The following ANGPT1 variants were observed in gnomAD, a reference collection of about 807,000 sequenced individuals.
ANGPT1 encodes angiopoietin-1.
In ANGPT1, 17 loss-of-function variants were observed where a neutral mutation model predicts 62.2. The ratio of observed to expected loss-of-function variants is 0.27; its 90% CI spans 0.19 to 0.41. The LOEUF (loss-of-function observed/expected upper bound fraction) is 0.41. Ranked by LOEUF, ANGPT1 falls within the 10% of genes least tolerant of loss-of-function variation. The probability of loss-of-function intolerance (pLI) is 1.00; values close to 1 mark genes in which losing one functional copy is unlikely to be tolerated. For synonymous variants in ANGPT1, 199 were observed against 198.9 expected (o/e 1.00, Z 0.00); for missense variants, 478 against 594.9 (o/e 0.80, Z 2.04).
At chr8:107,381,040 T>C (rs1032647078) in intron 1 of ANGPT1, among the ~76,000 whole-genome samples, 1 of 152,224 alleles carries the variant, frequency 6.6e-6, no homozygotes, top group African/African-American at 2.4e-5. Context: ...GTAGAAAAGT[T>C]CAATTCTTCC....
chr8:107,433,160 T>C (rs62513237), intron 1 of ANGPT1, among the ~76,000 whole-genome samples: 10,089 of 152,186 alleles, frequency 0.066, 443 homozygotes, highest in African/African-American at 0.11. Flanking sequence ...ATAGGGGAAA[T>C]TGGGCTGGTT....
intron 1 of ANGPT1, among the ~76,000 whole-genome samples, chr8:107,459,895 C>T (rs1350103680): frequency 6.6e-6 from 1 of 152,092 alleles, no homozygotes; most frequent in East Asian, 1.9e-4. Flanking sequence ...CTGCCCTTTT[C>T]TTTAGAAAGA....
At chr8:107,273,845 G>A (rs1274004339) in intron 7 of ANGPT1, among the ~76,000 whole-genome samples, 1 of 149,722 alleles carries the variant, frequency 6.7e-6, no homozygotes, top group Non-Finnish European at 1.5e-5. Flanking sequence ...GACTGTGAGT[G>A]TAAAGGTGAA....
intron 1 of ANGPT1, among the ~76,000 whole-genome samples, chr8:107,368,311 G>T (rs942008777): frequency 6.6e-6 from 1 of 151,954 alleles, no homozygotes; most frequent in Non-Finnish European, 1.5e-5. Flanking sequence ...AGTCTCAAAA[G>T]TGGGCTTAAA....
intron 1 of ANGPT1, among the ~76,000 whole-genome samples, chr8:107,428,379 C>T (rs1811090470): frequency 1.3e-5 from 2 of 152,116 alleles, no homozygotes; most frequent in Admixed American, 1.3e-4. Flanking sequence ...ACAAGACTGA[C>T]CCCCATGAGA....
intron 5 of ANGPT1, among the ~76,000 whole-genome samples, chr8:107,302,985 G>A (rs9643031): frequency 4.0e-5 from 6 of 151,860 alleles, no homozygotes; most frequent in Admixed American, 1.3e-4. Context: ...ACATGTATGA[G>A]CAAGGGGACA....
At chr8:107,440,005 C>A (rs1811432685) in intron 1 of ANGPT1, among the ~76,000 whole-genome samples, 1 of 152,134 alleles carries the variant, frequency 6.6e-6, no homozygotes, top group Non-Finnish European at 1.5e-5. Flanking sequence ...GCAGGGAAAG[C>A]AGAATAGATG....
chr8:107,472,262 T>C lies in ANGPT1; in HGVS notation c.297+25000A>G, dbSNP rs193096707. On this transcript the variant is annotated intron_variant, in intron 1 of 8. Transcript: ENST00000517746. Reference sequence around the variant, plus strand: ...ACTTTGATTACTTGGCTTGAGGTCATGTTTGTCAAGTTTCTCCAGTGCAAA... The same window carrying C: ...ACTTTGATTACTTGGCTTGAGGTCACGTTTGTCAAGTTTCTCCAGTGCAAA... Among the ~76,000 whole-genome samples the C allele has an allele frequency of 1.1e-3, 170 of 152,156 alleles. 1 individual carries two copies. The highest frequency in any genetic ancestry group is 3.6e-3 in the African/African-American group (148 of 41,558).
chr8:107,497,637 T>G lies in ANGPT1; in HGVS notation c.-79A>C, dbSNP rs1002050324. 1 of 1,433,962 alleles carries G rather than the reference T, an allele frequency of 7.0e-7. No individual in the cohort carries two copies. Among genetic ancestry groups the G allele is most frequent in the East Asian group, 2.5e-5 (1 of 40,326 alleles). 88.8% of individuals were successfully genotyped at this position (1,433,962 alleles called of 1,614,324 possible). On this transcript the variant is annotated 5_prime_UTR_variant, in exon 1 of 9. Transcript: ENST00000517746. ...TGACCTCTAAAACTAGTTCTTTATT[T>G]CAGGTAAAACTGCTTGTTTGTTTGA...
At chr8:107,254,597 G>A (rs747792422) in intron 8 of ANGPT1, among the ~76,000 whole-genome samples, 30 of 152,080 alleles carry the variant, frequency 2.0e-4, no homozygotes, top group Non-Finnish European at 5.9e-5. Context: ...GAGACCAGAA[G>A]GAGGAGAGAG....
At position 107,443,579 on chromosome 8, in the gene ANGPT1, C is replaced by T. The variant is rs372779380; in HGVS notation, c.297+53683G>A. On this transcript the variant is annotated intron_variant, in intron 1 of 8. Coordinates refer to ENST00000517746, the MANE Select transcript of ANGPT1 (RefSeq NM_001146.5). The stretch of plus-strand genomic sequence containing the variant: ...ATCCCAGCACTTTGGGAGGCTGAGG[C>T]GGGCGGATCACCTGAGGCCAGGAGT... Among the ~76,000 whole-genome samples, 80 of 151,022 alleles carry T rather than the reference C, an allele frequency of 5.3e-4. 2 individuals carry two copies. The East Asian group carries it at 0.012, about 23-fold the overall frequency.
chr8:107,383,283 T>C (rs1433181), intron 1 of ANGPT1, among the ~76,000 whole-genome samples: 72,433 of 151,970 alleles, frequency 0.48, 19,127 homozygotes, highest in Non-Finnish European at 0.59. Context: ...AAGAAAGTGA[T>C]TCAAAGCAGA....
intron 1 of ANGPT1, among the ~76,000 whole-genome samples, chr8:107,457,855 CA>C (rs1563631558): frequency 0.019 from 2,817 of 150,672 alleles, 104 homozygotes; most frequent in African/African-American, 0.065. Context: ...CACACACACA[CA>C]CACACACACA....
At chr8:107,265,251 T>C (rs1021319026) in intron 7 of ANGPT1, among the ~76,000 whole-genome samples, 6 of 152,182 alleles carry the variant, frequency 3.9e-5, no homozygotes, top group African/African-American at 1.4e-4. Flanking sequence ...GGAATGTTTG[T>C]TTTCAACTAG....
intron 1 of ANGPT1, among the ~76,000 whole-genome samples, chr8:107,396,517 CTT>C (rs10686360): frequency 1.3e-4 from 11 of 84,828 alleles, no homozygotes; most frequent in South Asian, 5.2e-4. Context: ...TCTTTTCTCT[CTT>C]TTTTTTTTTT....
chr8:107,312,362 G>C (rs971871519), intron 4 of ANGPT1, among the ~76,000 whole-genome samples: 1 of 152,118 alleles, frequency 6.6e-6, no homozygotes, highest in Non-Finnish European at 1.5e-5. Context: ...CCATACATGT[G>C]GGAAAGCTTA....
chr8:107,445,268 T>A (rs1811587222), intron 1 of ANGPT1, among the ~76,000 whole-genome samples: 1 of 152,188 alleles, frequency 6.6e-6, no homozygotes, highest in African/African-American at 2.4e-5. Context: ...TCTCATTGCT[T>A]AGTGGATATT....
At chr8:107,413,026 T>TA (rs1340810632) in intron 1 of ANGPT1, among the ~76,000 whole-genome samples, 7 of 152,174 alleles carry the variant, frequency 4.6e-5, no homozygotes, top group African/African-American at 1.7e-4. Flanking sequence ...ATGTGGCCAA[T>TA]ATGTATTACA....
At chr8:107,477,094 T>G (rs1039044452) in intron 1 of ANGPT1, among the ~76,000 whole-genome samples, 7 of 152,164 alleles carry the variant, frequency 4.6e-5, no homozygotes, top group African/African-American at 1.4e-4. Context: ...GCCTATGTCC[T>G]TTAAAAGTTT....
Sources: gnomAD v4.1 joint callset for allele counts (sites outside exome capture counted in the v4.1 genomes callset) on GRCh38, gnomAD v4.1.1 for gene constraint, MANE v1.5 for transcripts, NCBI Gene and HGNC (gene_info 2026-07-23, HGNC 2026-07-21) for gene names.